TCF12: variants seen among roughly 807,000 people sequenced by gnomAD.
TCF12 encodes DNA-binding protein HTF4.
TCF12 carries 45 observed loss-of-function variants against 86.0 expected under a neutral mutation model. The observed-to-expected ratio is 0.52, with a 90% CI of 0.41 to 0.67. The LOEUF is 0.67. TCF12 is among the 30% of genes least tolerant of loss of function. The pLI, the probability that TCF12 is intolerant of heterozygous loss-of-function variation, is 0.00. For synonymous variants in TCF12, 330 were observed against 299.6 expected (o/e 1.10, Z -1.05); for missense variants, 881 against 859.9 (o/e 1.02, Z -0.31).
intron 5 of TCF12, among the ~76,000 whole-genome samples, chr15:57,150,964 TC>T (rs2053709606): frequency 6.8e-6 from 1 of 146,404 alleles, no homozygotes; most frequent in African/African-American, 2.5e-5. Context: ...CTTTTCCTTT[TC>T]CTTTCCCCTT....
intron 12 of TCF12, among the ~76,000 whole-genome samples, chr15:57,234,490 G>A (rs1355132762): frequency 2.0e-5 from 3 of 152,128 alleles, no homozygotes; most frequent in African/African-American, 7.2e-5. Flanking sequence ...AGCATTTTAT[G>A]TACTGTATTT....
At chr15:57,023,510 A>T (rs1210788623) in intron 3 of TCF12, among the ~76,000 whole-genome samples, 2 of 152,162 alleles carry the variant, frequency 1.3e-5, no homozygotes, top group Non-Finnish European at 2.9e-5. Context: ...TGCACCAACC[A>T]TATGAGTTGT....
chr15:57,239,176 A>AC (rs200761897), intron 12 of TCF12, among the ~76,000 whole-genome samples: 7,709 of 151,926 alleles, frequency 0.051, 554 homozygotes, highest in African/African-American at 0.16. Context: ...ACACGGAGAA[A>AC]CCCCGTCTCT....
At position 57,233,474 on chromosome 15, in the gene TCF12, G is replaced by C. The variant is rs151025093; in HGVS notation, c.971-569G>C. Among the ~76,000 whole-genome samples, 6 of 152,088 alleles carry C rather than the reference G, an allele frequency of 3.9e-5. No homozygotes were observed. In the East Asian group the frequency reaches 5.8e-4, roughly 15 times the overall value. On this transcript the variant is annotated intron_variant, in intron 11 of 20. Coordinates refer to ENST00000333725, the MANE Select transcript of TCF12 (RefSeq NM_207037.2). ...ATTATAGACATGACCCAGCACACGT[G>C]GCCTCTTTTTTTATTTTTATTCATT...
chr15:57,262,021 A>T, intron 16 of TCF12, 73 bp from the exon 17 acceptor site: 1 of 978,478 alleles, frequency 1.0e-6, no homozygotes, highest in Non-Finnish European at 1.5e-6. Context: ...TAAACCTAGT[A>T]AAATAATTTG....
At chr15:57,153,131 A>G (rs1329529842) in intron 5 of TCF12, among the ~76,000 whole-genome samples, 2 of 152,240 alleles carry the variant, frequency 1.3e-5, no homozygotes, top group Non-Finnish European at 2.9e-5. Context: ...ACTTCTAGAT[A>G]TATGAAAATC....
intron 5 of TCF12, among the ~76,000 whole-genome samples, chr15:57,164,681 CTTTTTTG>C (rs1292719216): frequency 6.6e-6 from 1 of 151,656 alleles, no homozygotes; most frequent in Non-Finnish European, 1.5e-5. Flanking sequence ...ATTTTTTTTT[CTTTTTTG>C]TTTTTTGTTT....
chr15:56,936,982 A>AT (rs566278209), intron 3 of TCF12, among the ~76,000 whole-genome samples: 13 of 150,954 alleles, frequency 8.6e-5, no homozygotes, highest in East Asian at 3.9e-4. Flanking sequence ...GAATTTTAGG[A>AT]TTTTTTTTTC....
At position 57,286,827 on chromosome 15, in the gene TCF12, T is replaced by TA. The variant is rs2061950551; in HGVS notation, c.*683dup. 1 of 375,794 alleles carries TA rather than the reference T, an allele frequency of 2.7e-6. No individual in the cohort carries two copies. The highest frequency in any genetic ancestry group is 3.4e-5 in the Admixed American group (1 of 29,042). The allele number at this position is 375,794 out of a possible 1,614,324, so 23.3% of individuals were successfully genotyped here. Reference sequence around the variant, plus strand: ...ATTTTTATTTTCTCTTTGTGGGTGTTATATTTGATCTCTAAATCTGAACAG... The same window carrying TA: ...ATTTTTATTTTCTCTTTGTGGGTGTTAATATTTGATCTCTAAATCTGAACAG... On this transcript the variant is annotated 3_prime_UTR_variant, in exon 21 of 21. Coordinates refer to ENST00000333725, the MANE Select transcript of TCF12 (RefSeq NM_207037.2).
At chr15:57,254,378 T>G (rs2060250848) in intron 16 of TCF12, among the ~76,000 whole-genome samples, 1 of 152,210 alleles carries the variant, frequency 6.6e-6, no homozygotes, top group Non-Finnish European at 1.5e-5. Context: ...TTTGAGCCTC[T>G]GAAGTAAACG....
intron 16 of TCF12, among the ~76,000 whole-genome samples, chr15:57,254,336 A>T (rs2060248935): frequency 6.6e-6 from 1 of 152,102 alleles, no homozygotes; most frequent in Admixed American, 6.6e-5. Context: ...AGATTTTCAC[A>T]CTCACATATC....
chr15:57,207,240 C>A (rs2151798105), intron 8 of TCF12, among the ~76,000 whole-genome samples: 1 of 152,240 alleles, frequency 6.6e-6, no homozygotes, highest in South Asian at 2.1e-4. Context: ...AAACATAAAA[C>A]CTTCATACAA....
chr15:57,063,395 T>C (rs996953215), intron 3 of TCF12, among the ~76,000 whole-genome samples: 3 of 152,172 alleles, frequency 2.0e-5, no homozygotes, highest in Non-Finnish European at 4.4e-5. Flanking sequence ...TATTCATGTT[T>C]TCATGTAGGC....
At chr15:56,990,494 T>C (rs1435538310) in intron 3 of TCF12, among the ~76,000 whole-genome samples, 2 of 152,094 alleles carry the variant, frequency 1.3e-5, no homozygotes, top group East Asian at 3.8e-4. Flanking sequence ...TCGTGGTGCT[T>C]ATATTTTACA....
intron 13 of TCF12, among the ~76,000 whole-genome samples, chr15:57,244,196 A>G (rs1186936149): frequency 6.6e-6 from 1 of 152,186 alleles, no homozygotes; most frequent in Non-Finnish European, 1.5e-5. Flanking sequence ...AATGGTTTTT[A>G]TAAGATAGCA....
intron 11 of TCF12, among the ~76,000 whole-genome samples, chr15:57,233,720 G>A (rs1287832283): frequency 6.6e-6 from 1 of 151,876 alleles, no homozygotes; most frequent in Non-Finnish European, 1.5e-5. Flanking sequence ...CAAGAGATCT[G>A]CCTGCCTCAG....
chr15:57,145,862 T>C (rs906852357), intron 5 of TCF12, among the ~76,000 whole-genome samples: 1 of 152,214 alleles, frequency 6.6e-6, no homozygotes, highest in African/African-American at 2.4e-5. Context: ...CTTTTGAGTT[T>C]AGAGCAGCGT....
intron 6 of TCF12, among the ~76,000 whole-genome samples, chr15:57,167,079 A>G (rs2054953001): frequency 6.6e-6 from 1 of 152,196 alleles, no homozygotes. Flanking sequence ...GGCAGAACAT[A>G]TTAAATTTGT....
chr15:57,189,522 A>G (rs987586224), intron 6 of TCF12, among the ~76,000 whole-genome samples: 1 of 152,192 alleles, frequency 6.6e-6, no homozygotes, highest in South Asian at 2.1e-4. Flanking sequence ...TATGCGAATC[A>G]AAACCACTGC....
Sources: allele counts gnomAD v4.1 joint callset (sites outside exome capture counted in the v4.1 genomes callset), GRCh38; gene constraint gnomAD v4.1.1; transcripts MANE v1.5; gene names NCBI Gene and HGNC (gene_info 2026-07-23, HGNC 2026-07-21).